RBM26: variants seen among roughly 807,000 people sequenced by gnomAD.
The protein encoded by RBM26 is RNA binding motif protein 26.
Under a neutral mutation model 123.6 loss-of-function variants are expected in RBM26, and 30 were observed. That is an observed-to-expected ratio of 0.24 (90% CI 0.18 to 0.33). The LOEUF (loss-of-function observed/expected upper bound fraction) is 0.33. Ranked by LOEUF, RBM26 falls within the 10% of genes least tolerant of loss-of-function variation. The pLI is 1.00. For synonymous variants in RBM26, 400 were observed against 404.4 expected, an observed-to-expected ratio of 0.99 and a Z score of 0.13; for missense variants, 947 against 1,203.6, an observed-to-expected ratio of 0.79 and a Z score of 3.15.
chr13:79,365,305 C>G (rs915878507), intron 9 of RBM26, among the ~76,000 whole-genome samples: 3 of 152,076 alleles, frequency 2.0e-5, no homozygotes, highest in African/African-American at 7.2e-5. Context: ...ACTAGCTGGG[C>G]ATGGTGGCAG....
intron 6 of RBM26, among the ~76,000 whole-genome samples, chr13:79,368,174 G>A (rs2075530021): frequency 6.6e-6 from 1 of 152,058 alleles, no homozygotes; most frequent in Non-Finnish European, 1.5e-5. Context: ...ACAGGCGCCA[G>A]CCACCACGCC....
At chr13:79,365,837 G>C (rs2075208137) in intron 8 of RBM26, 119 bp from the exon 9 acceptor site, 1 of 964,568 alleles carries the variant, frequency 1.0e-6, no homozygotes, top group Admixed American at 2.9e-5. Flanking sequence ...TGCTCTATAT[G>C]TATCAAAAAG....
At chr13:79,386,901 T>C (rs2077540619) in intron 1 of RBM26, among the ~76,000 whole-genome samples, 1 of 152,172 alleles carries the variant, frequency 6.6e-6, no homozygotes, top group South Asian at 2.1e-4. Flanking sequence ...ACAAAAAACC[T>C]AGTTCTATCA....
At chr13:79,373,316 AT>A (rs1312259768) in intron 3 of RBM26, among the ~76,000 whole-genome samples, 52 of 107,514 alleles carry the variant, frequency 4.8e-4, no homozygotes, top group Non-Finnish European at 7.2e-4. Context: ...ATATAAATAA[AT>A]ATATATAAAT....
intron 14 of RBM26, among the ~76,000 whole-genome samples, chr13:79,348,253 T>C (rs1482097324): frequency 2.0e-5 from 3 of 152,134 alleles, no homozygotes; most frequent in African/African-American, 4.8e-5. Context: ...TTTGGTATGC[T>C]GAACTCAGAA....
At chr13:79,372,990 CAT>C (rs2076134981) in intron 3 of RBM26, among the ~76,000 whole-genome samples, 2 of 124 alleles carry the variant, frequency 0.016, no homozygotes, top group Admixed American at 0.12. Context: ...TTATATATTA[CAT>C]ATTTTATATA....
intron 7 of RBM26, among the ~76,000 whole-genome samples, 194 bp downstream of exon 7, chr13:79,366,439 A>G (rs1403582832): frequency 6.6e-6 from 1 of 152,112 alleles, no homozygotes; most frequent in African/African-American, 2.4e-5. Context: ...TCACAGGGTC[A>G]CTCCAAACCA....
intron 14 of RBM26, among the ~76,000 whole-genome samples, chr13:79,347,523 C>T (rs950829351): frequency 1.3e-5 from 2 of 152,036 alleles, no homozygotes; most frequent in Non-Finnish European, 2.9e-5. Context: ...AAGTAACGAG[C>T]CCAACAGAAA....
Position 79,352,538 on chromosome 13 carries a change from AC to A in RBM26, c.2058+614del, listed in dbSNP as rs1255280373. 1.5e-3 allele frequency among the ~76,000 whole-genome samples: 231 copies of A among 151,858 alleles called. 2 individuals carry two copies. Among genetic ancestry groups the A allele is most frequent in the African/African-American group, 5.4e-3 (224 of 41,402 alleles). ...AATGGTCTTGATTTAATAAATATTT[AC>A]CCCCCTTCATTTAAAAAAAAAGAAA... On this transcript the variant is annotated intron_variant, in intron 14 of 21. Coordinates refer to ENST00000438737, the MANE Select transcript of RBM26 (RefSeq NM_001366735.2).
chr13:79,362,576 A>G (rs906292503), intron 9 of RBM26, among the ~76,000 whole-genome samples: 3 of 152,126 alleles, frequency 2.0e-5, no homozygotes, highest in Admixed American at 6.6e-5. Context: ...TCCTGTATCT[A>G]GCACGTGCGA....
At chr13:79,369,023 C>A in intron 5 of RBM26, 33 bp from the exon 6 acceptor site, 4 of 1,355,730 alleles carry the variant, frequency 3.0e-6, no homozygotes, top group South Asian at 1.7e-5. Context: ...TATAAAACTA[C>A]ACTGTATTAA....
In RBM26 at chr13:79,366,620, C is replaced by T. The variant is rs2075294767; in HGVS notation, c.1135+13G>A. The T allele has an allele frequency of 1.3e-6, 2 of 1,502,414 alleles. No individual in the cohort carries two copies. The highest frequency in any genetic ancestry group is 8.9e-7 in the Non-Finnish European group (1 of 1,125,514). The allele number at this position is 1,502,414 out of a possible 1,614,324, so 93.1% of individuals were successfully genotyped here. Reference sequence around the variant, plus strand: ...GGCTAGATAAATACAGGGAAACAAACAGATTTACTTACCTGTAACAGGTGG... The same window carrying T: ...GGCTAGATAAATACAGGGAAACAAATAGATTTACTTACCTGTAACAGGTGG... On this transcript the variant is annotated intron_variant, in intron 7 of 21. Coordinates refer to ENST00000438737, the MANE Select transcript of RBM26 (RefSeq NM_001366735.2).
At chr13:79,335,064 G>C (rs1392630973) in intron 19 of RBM26, among the ~76,000 whole-genome samples, 1 of 152,128 alleles carries the variant, frequency 6.6e-6, no homozygotes, top group East Asian at 1.9e-4. Flanking sequence ...ATGTGTGGGA[G>C]GATTTTTCTA....
chr13:79,324,869 G>GC (rs2068139723), intron 20 of RBM26, among the ~76,000 whole-genome samples: 2 of 151,502 alleles, frequency 1.3e-5, no homozygotes, highest in Admixed American at 1.3e-4. Flanking sequence ...CTAGTCAATT[G>GC]CCCCAACATC....
chr13:79,368,878 A>G lies in RBM26; in HGVS notation c.747T>C (p.Pro249=). ...PSISSGHYPV[P]TLSSTITVIA... ...TTACTGTAATAGTGCTGCTCAAAGT[A>G]GGTACAGGGTAGTGGCCAGATGAAA... is the stretch of plus-strand genomic sequence containing the variant. The change falls in exon 6 of 22, where the codon CCT becomes CCC. Residue 249 remains proline, a synonymous_variant. Transcript: ENST00000438737. 1 of 1,613,802 alleles carries G rather than the reference A, an allele frequency of 6.2e-7. No individual in the cohort carries two copies. Among genetic ancestry groups the G allele is most frequent in the East Asian group, 2.2e-5 (1 of 44,856 alleles).
At chr13:79,381,153 T>TA (rs1289837969) in intron 1 of RBM26, among the ~76,000 whole-genome samples, 1 of 151,976 alleles carries the variant, frequency 6.6e-6, no homozygotes, top group Non-Finnish European at 1.5e-5. Flanking sequence ...ACTTTACTGA[T>TA]AAAGAAACTG....
Position 79,337,087 on chromosome 13 carries a change from G to C in RBM26, c.2733+15C>G. 1 of 1,606,358 alleles carries C rather than the reference G, an allele frequency of 6.2e-7. No individual in the cohort carries two copies. The highest frequency in any genetic ancestry group is 8.5e-7 in the Non-Finnish European group (1 of 1,173,672). Reference sequence around the variant, plus strand: ...TGATTATCAGCATTTGTTTTGTTGAGCAGTAAGAAAGTACCGCAAAATGAG... The same window carrying C: ...TGATTATCAGCATTTGTTTTGTTGACCAGTAAGAAAGTACCGCAAAATGAG... On this transcript the variant is annotated intron_variant, in intron 19 of 21. Transcript: ENST00000438737.
chr13:79,355,693 C>T (rs936470064), intron 11 of RBM26, among the ~76,000 whole-genome samples: 1 of 151,954 alleles, frequency 6.6e-6, no homozygotes, highest in Non-Finnish European at 1.5e-5. Flanking sequence ...AGAAACAATC[C>T]CTATTGTCAA....
At chr13:79,380,733 T>C (rs940141521) in intron 1 of RBM26, among the ~76,000 whole-genome samples, 4 of 152,018 alleles carry the variant, frequency 2.6e-5, no homozygotes, top group African/African-American at 4.8e-5. Context: ...ACTCATCCAA[T>C]CCAGCGTAAT....
Sources: gnomAD v4.1 joint callset for allele counts (sites outside exome capture counted in the v4.1 genomes callset) on GRCh38, gnomAD v4.1.1 for gene constraint, MANE v1.5 for transcripts, NCBI Gene and HGNC (gene_info 2026-07-23, HGNC 2026-07-21) for gene names.